GALNT10: variants seen among roughly 807,000 people sequenced by gnomAD.
GALNT10 encodes GalNAc transferase 10.
A neutral mutation model predicts 75.0 loss-of-function variants in GALNT10; 41 were observed. The observed-to-expected ratio is 0.55, with a 90% CI of 0.43 to 0.71. The LOEUF (loss-of-function observed/expected upper bound fraction) is 0.71. GALNT10 is among the 30% of genes least tolerant of loss of function. The pLI is 0.00. For synonymous variants in GALNT10, 302 were observed against 313.0 expected, an observed-to-expected ratio of 0.96 and a Z score of 0.37; for missense variants, 727 against 818.5, an observed-to-expected ratio of 0.89 and a Z score of 1.36.
intron 7 of GALNT10, among the ~76,000 whole-genome samples, chr5:154,390,352 G>T (rs1024540898): frequency 1.3e-5 from 2 of 152,096 alleles, no homozygotes; most frequent in Non-Finnish European, 2.9e-5. Flanking sequence ...AATAACACCC[G>T]ACAAGAATAG....
At chr5:154,332,485 A>T (rs937404660) in intron 4 of GALNT10, among the ~76,000 whole-genome samples, 1 of 152,038 alleles carries the variant, frequency 6.6e-6, no homozygotes, top group East Asian at 1.9e-4. Flanking sequence ...GGCTCGCCTC[A>T]TCCCATCATC....
At chr5:154,197,980 C>T (rs936145795) in intron 1 of GALNT10, among the ~76,000 whole-genome samples, 2 of 152,142 alleles carry the variant, frequency 1.3e-5, no homozygotes. Context: ...CACCCCTGCC[C>T]GTTAAGCCCT....
intron 1 of GALNT10, among the ~76,000 whole-genome samples, chr5:154,197,711 GT>G (rs1223744025): frequency 6.6e-6 from 1 of 152,194 alleles, no homozygotes; most frequent in African/African-American, 2.4e-5. Flanking sequence ...TGATAATGAG[GT>G]TGATAATGTT....
chr5:154,346,935 C>T (rs1378389753), intron 4 of GALNT10, among the ~76,000 whole-genome samples: 1 of 151,886 alleles, frequency 6.6e-6, no homozygotes, highest in Non-Finnish European at 1.5e-5. Context: ...GTGGCTGGCT[C>T]AGAGCATCTA....
intron 1 of GALNT10, among the ~76,000 whole-genome samples, chr5:154,289,162 G>A (rs971647927): frequency 6.6e-6 from 1 of 152,130 alleles, no homozygotes; most frequent in Non-Finnish European, 1.5e-5. Flanking sequence ...TAAAAATAAT[G>A]TATTCATAGT....
chr5:154,261,527 G>A (rs1753698596), intron 1 of GALNT10, among the ~76,000 whole-genome samples: 1 of 152,176 alleles, frequency 6.6e-6, no homozygotes, highest in African/African-American at 2.4e-5. Flanking sequence ...GGGAAAATGT[G>A]TTCCATTGCT....
chr5:154,347,242 G>A, intron 4 of GALNT10: 1 of 472,052 alleles, frequency 2.1e-6, no homozygotes, highest in Non-Finnish European at 4.1e-6. Context: ...GGATTAGGAA[G>A]GTGTAAACTG....
At chr5:154,383,371 A>G (rs187659978) in intron 6 of GALNT10, among the ~76,000 whole-genome samples, 81 of 152,318 alleles carry the variant, frequency 5.3e-4, no homozygotes, top group Admixed American at 3.7e-3. Context: ...TCCACTCACT[A>G]TGAGCAGATT....
chr5:154,410,994 C>T (rs979706340), intron 9 of GALNT10, among the ~76,000 whole-genome samples: 5 of 152,324 alleles, frequency 3.3e-5, no homozygotes, highest in South Asian at 2.1e-4. Context: ...CCATGCTGGC[C>T]GAGGCAGACC....
chr5:154,339,820 C>T (rs1755003496), intron 4 of GALNT10, among the ~76,000 whole-genome samples: 1 of 152,090 alleles, frequency 6.6e-6, no homozygotes, highest in Non-Finnish European at 1.5e-5. Context: ...TTAGTGTTTC[C>T]TTAAAAACAT....
At chr5:154,259,538 G>C (rs1001506802) in intron 1 of GALNT10, among the ~76,000 whole-genome samples, 1 of 152,148 alleles carries the variant, frequency 6.6e-6, no homozygotes, top group Non-Finnish European at 1.5e-5. Context: ...TTCTTCAAAT[G>C]ATATTTTATG....
intron 4 of GALNT10, among the ~76,000 whole-genome samples, chr5:154,331,201 C>CT (rs1754858617): frequency 6.6e-6 from 1 of 152,130 alleles, no homozygotes; most frequent in Non-Finnish European, 1.5e-5. Flanking sequence ...ACAGTAGGTG[C>CT]TTACTACGTG....
chr5:154,397,390 C>T (rs1173655180), intron 7 of GALNT10, among the ~76,000 whole-genome samples: 2 of 152,128 alleles, frequency 1.3e-5, no homozygotes, highest in African/African-American at 4.8e-5. Flanking sequence ...CGATGGGCCA[C>T]GTGCCCACAG....
intron 1 of GALNT10, among the ~76,000 whole-genome samples, chr5:154,242,276 T>C (rs1266476970): frequency 6.6e-6 from 1 of 152,126 alleles, no homozygotes; most frequent in South Asian, 2.1e-4. Flanking sequence ...AGGACAGCCA[T>C]CTTGTTTGAG....
At chr5:154,396,449 G>C (rs1756021059) in intron 7 of GALNT10, among the ~76,000 whole-genome samples, 1 of 152,180 alleles carries the variant, frequency 6.6e-6, no homozygotes, top group African/African-American at 2.4e-5. Context: ...GACAATACAA[G>C]TGCTGTTAGG....
chr5:154,402,168 T>C lies in GALNT10; in HGVS notation c.1057-1936T>C, dbSNP rs1756180766. Among the ~76,000 whole-genome samples the C allele has an allele frequency of 6.6e-6, 1 of 152,196 alleles. No homozygotes were observed. The highest frequency in any genetic ancestry group is 6.5e-5 in the Admixed American group (1 of 15,286). On this transcript the variant is annotated intron_variant, in intron 7 of 11. Transcript: ENST00000297107. This position sits in a 1 kb window ranked among gnomAD's most constrained non-coding sequence, Gnocchi z 4.2. ...CTCACTGAAGACCTTCTGTGAAGAC[T>C]CCTTGTTCTGCCCCGTGAGGGCCCT... is the stretch of plus-strand genomic sequence containing the variant.
intron 1 of GALNT10, among the ~76,000 whole-genome samples, chr5:154,210,385 TACACACACACAC>T (rs35928766): frequency 2.0e-5 from 3 of 148,878 alleles, no homozygotes; most frequent in African/African-American, 7.4e-5. Flanking sequence ...CACACATGCA[TACACACACACAC>T]ACACACACAC....
intron 4 of GALNT10, among the ~76,000 whole-genome samples, chr5:154,360,085 G>A (rs1251819253): frequency 6.6e-6 from 1 of 152,084 alleles, no homozygotes; most frequent in East Asian, 1.9e-4. Context: ...AGAAACCTCA[G>A]TATTCATCAG....
chr5:154,200,039 C>T (rs958021761), intron 1 of GALNT10, among the ~76,000 whole-genome samples: 1 of 152,202 alleles, frequency 6.6e-6, no homozygotes, highest in African/African-American at 2.4e-5. Flanking sequence ...GGGATGCTTC[C>T]TTCCGGTATC....
Sources: gnomAD v4.1 joint callset for allele counts (sites outside exome capture counted in the v4.1 genomes callset) on GRCh38, gnomAD v4.1.1 for gene constraint, Gnocchi (gnomAD v3.1) non-coding constraint, MANE v1.5 for transcripts, NCBI Gene and HGNC (gene_info 2026-07-23, HGNC 2026-07-21) for gene names.